KIF3B: variants seen among roughly 807,000 people sequenced by gnomAD.
KIF3B encodes kinesin-like protein KIF3B.
A neutral mutation model predicts 74.3 loss-of-function variants in KIF3B; 38 were observed. The observed-to-expected ratio is 0.51, with a 90% CI of 0.39 to 0.67. KIF3B has a LOEUF of 0.67. Among genes scored for constraint, KIF3B ranks in the 30% least tolerant of loss-of-function variants. The pLI, the probability that KIF3B is intolerant of heterozygous loss-of-function variation, is 0.00. For missense variants in KIF3B, 649 were observed against 932.0 expected (o/e 0.70, Z 3.95); for synonymous variants, 326 against 342.5 (o/e 0.95, Z 0.53).
intron 5 of KIF3B, among the ~76,000 whole-genome samples, chr20:32,322,814 A>T (rs1239921884): frequency 2.4e-4 from 13 of 54,086 alleles, no homozygotes; most frequent in African/African-American, 8.9e-4. Flanking sequence ...ATATATATTT[A>T]TATATATTTA....
rs185816205 is a variant in KIF3B, at chr20:32,331,477, G to A, written c.*158G>A. 5.1e-5 allele frequency: 30 copies of A among 592,906 alleles called. No homozygotes were observed. Among genetic ancestry groups the A allele is most frequent in the Admixed American group, 3.0e-4 (9 of 30,268 alleles). 36.7% of individuals were successfully genotyped at this position (592,906 alleles called of 1,614,324 possible). A position where few individuals can be genotyped will look rare whatever the true frequency, so the allele number is the denominator to read the frequency against. The stretch of plus-strand genomic sequence containing the variant: ...ATCAACCAACTTAATCTGGTTGAAC[G>A]TGCTGTTCCTAATCTGGCACTCAGC... On this transcript the variant is annotated 3_prime_UTR_variant, in exon 9 of 9. Transcript: ENST00000375712.
intron 1 of KIF3B, 135 bp from the exon 2 acceptor site, chr20:32,309,578 A>C (rs373045953): frequency 4.1e-4 from 233 of 568,884 alleles, no homozygotes; most frequent in African/African-American, 3.7e-3. Context: ...CCTGTGAGGA[A>C]ATATACAGTG....
chr20:32,287,579 C>T (rs1202741277), intron 1 of KIF3B, among the ~76,000 whole-genome samples: 1 of 152,156 alleles, frequency 6.6e-6, no homozygotes, highest in Non-Finnish European at 1.5e-5. Flanking sequence ...ACTCAGCCTC[C>T]CAAAGTGCTG....
At chr20:32,288,328 A>G (rs73239248) in intron 1 of KIF3B, among the ~76,000 whole-genome samples, 4,676 of 152,084 alleles carry the variant, frequency 0.031, 265 homozygotes, top group African/African-American at 0.11. Flanking sequence ...ATCTATACAA[A>G]ACATATGAAA....
intron 7 of KIF3B, among the ~76,000 whole-genome samples, chr20:32,328,883 C>T (rs1213466790): frequency 6.6e-6 from 1 of 152,058 alleles, no homozygotes; most frequent in East Asian, 1.9e-4. Context: ...CCATGAGAGC[C>T]TCTACTTTTT....
intron 1 of KIF3B, among the ~76,000 whole-genome samples, chr20:32,289,145 CTT>C (rs1235342790): frequency 7.0e-6 from 1 of 143,536 alleles, no homozygotes; most frequent in Non-Finnish European, 1.5e-5. Context: ...AAAACTCTCT[CTT>C]GGTTCTTCTG....
Position 32,331,684 on chromosome 20 carries a change from G to A in KIF3B, c.*365G>A, listed in dbSNP as rs540995308. ...TCCTTTTCTAGCCTGTTCTTTACAT[G>A]GGGCTCCCTTCTTGTTGAACAATAG... On this transcript the variant is annotated 3_prime_UTR_variant, in exon 9 of 9. Transcript: ENST00000375712. 4 of 225,974 alleles carry A rather than the reference G, an allele frequency of 1.8e-5. No individual in the cohort carries two copies. In the South Asian group the frequency reaches 3.0e-4, roughly 17 times the overall value. 14.0% of individuals were successfully genotyped at this position (225,974 alleles called of 1,614,324 possible). A position where few individuals can be genotyped will look rare whatever the true frequency, so the allele number is the denominator to read the frequency against.
intron 1 of KIF3B, among the ~76,000 whole-genome samples, chr20:32,309,194 TA>T (rs1290487339): frequency 6.7e-6 from 1 of 149,106 alleles, no homozygotes; most frequent in Non-Finnish European, 1.5e-5. Context: ...TTGTTGTTGG[TA>T]TTTTTTTTTT....
At chr20:32,327,793 A>G (rs2047911530) in intron 7 of KIF3B, 132 bp downstream of exon 7, 2 of 551,428 alleles carry the variant, frequency 3.6e-6, no homozygotes, top group Non-Finnish European at 6.5e-6. Context: ...TACCAATAAC[A>G]ATTATAACAA....
At chr20:32,293,525 A>T (rs546520322) in intron 1 of KIF3B, among the ~76,000 whole-genome samples, 1 of 150,494 alleles carries the variant, frequency 6.6e-6, no homozygotes, top group Non-Finnish European at 1.5e-5. Context: ...TGGGAAGACT[A>T]CCTGAGCCCA....
Position 32,333,904 on chromosome 20 carries a change from T to A in KIF3B, c.*2585T>A, listed in dbSNP as rs1175733633. The stretch of plus-strand genomic sequence containing the variant: ...CTCTGGTGCTTTTCTTCTCTCAAAA[T>A]GGATCCGATAAATATTTGAATAGAG... On this transcript the variant is annotated 3_prime_UTR_variant, in exon 9 of 9. Transcript: ENST00000375712. 1 of 152,570 alleles carries A rather than the reference T, an allele frequency of 6.6e-6. No individual in the cohort carries two copies. The highest frequency in any genetic ancestry group is 1.9e-4 in the East Asian group (1 of 5,192). The allele number at this position is 152,570 out of a possible 1,614,324, so 9.5% of individuals were successfully genotyped here.
intron 1 of KIF3B, among the ~76,000 whole-genome samples, chr20:32,286,576 T>G (rs1308289964): frequency 2.0e-5 from 3 of 152,086 alleles, no homozygotes; most frequent in Non-Finnish European, 4.4e-5. Flanking sequence ...AATATATAAT[T>G]TTTTCCGATT....
At chr20:32,298,423 CTA>C (rs2047726556) in intron 1 of KIF3B, among the ~76,000 whole-genome samples, 1 of 152,132 alleles carries the variant, frequency 6.6e-6, no homozygotes, top group Non-Finnish European at 1.5e-5. Flanking sequence ...GAGTGAGACT[CTA>C]TCTCAAAAAA....
chr20:32,310,247 C>G lies in KIF3B; in HGVS notation c.470C>G (p.Ser157Ter). ...IYQEEIRDLL[S>*]KDQTKRLELK... ...CAGGAGGAGATCCGAGATTTGCTCT[C>G]AAAGGATCAGACCAAAAGGCTTGAG... Residue 157 changes from serine (S) to a stop codon, truncating the protein, a stop_gained, in exon 2 of 9, where the codon TCA becomes TGA. Coordinates refer to ENST00000375712, the MANE Select transcript of KIF3B (RefSeq NM_004798.4). LOFTEE classifies it high-confidence loss of function. The surrounding 1 kb of genome is among the most constrained non-coding windows in gnomAD (Gnocchi z 6.5). 1 of 1,613,952 alleles carries G rather than the reference C, an allele frequency of 6.2e-7. No homozygotes were observed. The highest frequency in any genetic ancestry group is 8.5e-7 in the Non-Finnish European group (1 of 1,179,968).
chr20:32,306,627 G>T lies in KIF3B; in HGVS notation c.-65-3086G>T, dbSNP rs189484423. On this transcript the variant is annotated intron_variant, in intron 1 of 8. Coordinates refer to ENST00000375712, the MANE Select transcript of KIF3B (RefSeq NM_004798.4). ...TTTTTTTGAGACGGAGTCTCGCTGT[G>T]TCACCAGGCTGGAGTGCAGTGGTGC... is the stretch of plus-strand genomic sequence containing the variant. Among the ~76,000 whole-genome samples, 164 of 112,140 alleles carry T rather than the reference G, an allele frequency of 1.5e-3. 4 individuals are homozygous for T. The East Asian group carries it at 0.042, about 28-fold the overall frequency. The allele number at this position is 112,140 out of a possible 152,430, so 73.6% of individuals were successfully genotyped here. A position where few individuals can be genotyped will look rare whatever the true frequency, so the allele number is the denominator to read the frequency against.
chr20:32,299,597 A>T (rs1042206743), intron 1 of KIF3B, among the ~76,000 whole-genome samples: 2 of 150,760 alleles, frequency 1.3e-5, no homozygotes, highest in African/African-American at 4.9e-5. Flanking sequence ...TTTTTAGTAG[A>T]GAGAGGGTTT....
rs1569214925 is a variant in KIF3B at position 32,334,192 on chromosome 20, C to T, written c.*2873C>T. The T allele has an allele frequency of 6.5e-6, 1 of 152,704 alleles. No individual in the cohort carries two copies. Among genetic ancestry groups the T allele is most frequent in the Non-Finnish European group, 1.5e-5 (1 of 68,124 alleles). 9.5% of individuals were successfully genotyped at this position (152,704 alleles called of 1,614,324 possible). ...GCAACCCCCAATAGACCCCCTTTTA[C>T]TCTGATCTGGAGAATGTATCTGGCT... On this transcript the variant is annotated 3_prime_UTR_variant, in exon 9 of 9. Transcript: ENST00000375712.
At chr20:32,284,566 A>T (rs2047658913) in intron 1 of KIF3B, among the ~76,000 whole-genome samples, 1 of 152,172 alleles carries the variant, frequency 6.6e-6, no homozygotes, top group Non-Finnish European at 1.5e-5. Context: ...AGGCAGGAGG[A>T]TCACTGGAGG....
chr20:32,282,531 C>T (rs1344595535), intron 1 of KIF3B, among the ~76,000 whole-genome samples: 2 of 152,060 alleles, frequency 1.3e-5, no homozygotes, highest in Admixed American at 6.6e-5. Flanking sequence ...TGAAGCTTGA[C>T]GTTCTTACTG....
Sources: gnomAD v4.1 joint callset for allele counts (sites outside exome capture counted in the v4.1 genomes callset) on GRCh38, gnomAD v4.1.1 for gene constraint, Gnocchi (gnomAD v3.1) non-coding constraint, MANE v1.5 for transcripts, NCBI Gene and HGNC (gene_info 2026-07-23, HGNC 2026-07-21) for gene names.